INPP5F: variants seen among roughly 807,000 people sequenced by gnomAD.
The protein encoded by INPP5F is inositol polyphosphate-5-phosphatase F.
In INPP5F, 97 loss-of-function variants were observed where a neutral mutation model predicts 137.2. The observed-to-expected ratio is 0.71, with a 90% CI of 0.60 to 0.84. The LOEUF is 0.84. INPP5F is among the 40% of genes least tolerant of loss of function. INPP5F has a pLI of 0.00. For synonymous variants in INPP5F, 504 were observed against 476.9 expected (o/e 1.06, Z -0.74); for missense variants, 1,271 against 1,371.9 (o/e 0.93, Z 1.16).
chr10:119,749,784 T>G (rs1405495567), intron 1 of INPP5F, among the ~76,000 whole-genome samples: 1 of 152,246 alleles, frequency 6.6e-6, no homozygotes, highest in Non-Finnish European at 1.5e-5. Flanking sequence ...TTATTTTGCT[T>G]TAATTCTTGC....
chr10:119,784,814 C>T (rs1849823149), intron 3 of INPP5F, among the ~76,000 whole-genome samples: 1 of 152,150 alleles, frequency 6.6e-6, no homozygotes, highest in Non-Finnish European at 1.5e-5. Flanking sequence ...CTTTCATCAT[C>T]CCCCGAAAAA....
At chr10:119,778,071 G>A (rs1408840439) in intron 2 of INPP5F, among the ~76,000 whole-genome samples, 2 of 151,958 alleles carry the variant, frequency 1.3e-5, no homozygotes, top group African/African-American at 2.4e-5. Flanking sequence ...CAGTGGTGCC[G>A]TCTCGGCTCA....
chr10:119,759,353 C>T, intron 2 of INPP5F, among the ~76,000 whole-genome samples: 1 of 151,990 alleles, frequency 6.6e-6, no homozygotes, highest in Non-Finnish European at 1.5e-5. Context: ...TTCATTTTCT[C>T]ATGAGGATCT....
At chr10:119,754,419 TG>T (rs1467590974) in intron 2 of INPP5F, among the ~76,000 whole-genome samples, 5 of 152,134 alleles carry the variant, frequency 3.3e-5, no homozygotes, top group Non-Finnish European at 5.9e-5. Context: ...TTCTCCTCCT[TG>T]CCATTCTTTG....
intron 2 of INPP5F, among the ~76,000 whole-genome samples, chr10:119,773,539 ATTG>A (rs1241093459): frequency 6.6e-6 from 1 of 151,986 alleles, no homozygotes. Context: ...TCCAGTGTTT[ATTG>A]TTTCCATTTA....
At position 119,828,315 on chromosome 10, in the gene INPP5F, G is replaced by C. The variant is rs1283184891; in HGVS notation, c.*535G>C. ...GGAGTTGAGGGTTATTGACACTAGA[G>C]AAATGAATTCTCATTTGATCCTAAT... is the stretch of plus-strand genomic sequence containing the variant. On this transcript the variant is annotated 3_prime_UTR_variant, in exon 20 of 20. Transcript: ENST00000650623. 6.5e-6 allele frequency: 1 copy of C among 152,836 alleles called. No homozygotes were observed. The highest frequency in any genetic ancestry group is 2.4e-5 in the African/African-American group (1 of 41,426). The allele number at this position is 152,836 out of a possible 1,614,324, so 9.5% of individuals were successfully genotyped here.
chr10:119,791,813 T>A, intron 4 of INPP5F, 56 bp from the exon 5 acceptor site: 1 of 1,444,712 alleles, frequency 6.9e-7, no homozygotes, highest in Middle Eastern at 1.9e-4. Context: ...TTATGTGTTA[T>A]CCCCAGACTA....
chr10:119,768,567 A>G (rs1003005914), intron 2 of INPP5F: 1 of 152,236 alleles, frequency 6.6e-6, no homozygotes, highest in African/African-American at 2.4e-5. Context: ...AGAAAAGGAA[A>G]AAAATTATGA....
At position 119,798,560 on chromosome 10, in the gene INPP5F, G is replaced by A; in HGVS notation, c.1066G>A (p.Ala356Thr). Residue 356 changes from alanine to threonine, a missense_variant, in exon 9 of 20, where the codon GCC (alanine) becomes ACC (threonine). Around this residue, in one of 6 missense-constraint regions of INPP5F, gnomAD observed 593 missense variants for 712.4 expected, o/e 0.83. Coordinates refer to ENST00000650623, the MANE Select transcript of INPP5F (RefSeq NM_014937.4). ...RLDRSEKETV[A>T]YFCAHFEEQL... is the part of the protein sequence containing the mutation. Reference sequence around the variant, plus strand: ...CTTTGTAGGTGAAAAGGAAACTGTTGCCTATTTCTGTGCCCATTTCGAAGA... The same window carrying A: ...CTTTGTAGGTGAAAAGGAAACTGTTACCTATTTCTGTGCCCATTTCGAAGA... 6.2e-7 allele frequency: 1 copy of A among 1,612,146 alleles called. No individual in the cohort carries two copies. The highest frequency in any genetic ancestry group is 1.1e-5 in the South Asian group (1 of 90,712).
intron 2 of INPP5F, among the ~76,000 whole-genome samples, chr10:119,763,942 A>G (rs1849080080): frequency 6.6e-6 from 1 of 152,210 alleles, no homozygotes; most frequent in South Asian, 2.1e-4. Context: ...CCACTTTATA[A>G]CCAGGATCAT....
intron 19 of INPP5F, chr10:119,826,056 T>G (rs902868978): frequency 2.0e-5 from 8 of 398,306 alleles, no homozygotes; most frequent in African/African-American, 1.4e-4. Flanking sequence ...GAAGTCTTAC[T>G]CCTGTCTCCC....
chr10:119,775,326 T>C (rs1297240464), intron 2 of INPP5F, among the ~76,000 whole-genome samples: 1 of 152,182 alleles, frequency 6.6e-6, no homozygotes, highest in Non-Finnish European at 1.5e-5. Context: ...GGTGTGATCA[T>C]GGCTCACTGC....
chr10:119,736,430 TTC>T (rs1366129405), intron 1 of INPP5F, among the ~76,000 whole-genome samples: 9 of 152,162 alleles, frequency 5.9e-5, no homozygotes, highest in African/African-American at 1.2e-4. Context: ...CCTCCCAAAG[TTC>T]TCGGATTACA....
At chr10:119,805,265 A>G (rs1850728213) in intron 10 of INPP5F, 119 bp from the exon 11 acceptor site, 1 of 690,304 alleles carries the variant, frequency 1.4e-6, no homozygotes, top group Admixed American at 2.5e-5. Context: ...TTAACCTCAT[A>G]TATGTACAGC....
intron 2 of INPP5F, among the ~76,000 whole-genome samples, chr10:119,778,328 T>G (rs964073137): frequency 3.9e-5 from 6 of 152,114 alleles, no homozygotes; most frequent in Non-Finnish European, 7.4e-5. Context: ...TTAAAAAAAT[T>G]GTTTTATATG....
chr10:119,751,524 C>G (rs772471137), intron 2 of INPP5F, among the ~76,000 whole-genome samples: 2 of 152,212 alleles, frequency 1.3e-5, no homozygotes, highest in Non-Finnish European at 2.9e-5. Flanking sequence ...GCTGACTGTT[C>G]CTGATGCAGT....
intron 6 of INPP5F, among the ~76,000 whole-genome samples, chr10:119,796,066 TGGGGAGAGGGAGAGGGGGAG>T (rs1850368886): frequency 6.8e-4 from 5 of 7,316 alleles, no homozygotes; most frequent in Non-Finnish European, 1.3e-3. Flanking sequence ...AGGGAGACCG[TGGGGAGAGGGAGAGGGGGAG>T]GGGGAGGGGG....
At chr10:119,796,459 A>G (rs12774619) in intron 6 of INPP5F, among the ~76,000 whole-genome samples, 51,246 of 152,046 alleles carry the variant, frequency 0.34, 9,054 homozygotes, top group South Asian at 0.42. Context: ...GACTCCCCTC[A>G]GTGAGTTAAT....
intron 3 of INPP5F, among the ~76,000 whole-genome samples, chr10:119,789,073 A>G (rs1374612642): frequency 6.6e-6 from 1 of 152,120 alleles, no homozygotes; most frequent in East Asian, 1.9e-4. Context: ...TAAAAACACA[A>G]TATTAGTCAG....
Sources: allele counts gnomAD v4.1 joint callset (sites outside exome capture counted in the v4.1 genomes callset), GRCh38; gene constraint gnomAD v4.1.1; regional missense constraint gnomAD v4.1.1; transcripts MANE v1.5; gene names NCBI Gene and HGNC (gene_info 2026-07-23, HGNC 2026-07-21).